SLC18A1: variants seen among roughly 807,000 people sequenced by gnomAD.
The protein encoded by SLC18A1 is solute carrier family 18 member A1.
A neutral mutation model predicts 53.7 loss-of-function variants in SLC18A1; 69 were observed. The observed-to-expected ratio is 1.28, with a 90% CI of 1.06 to 1.57. SLC18A1 has a LOEUF of 1.57. SLC18A1 is among the 40% of genes most tolerant of loss of function. The pLI is 0.00. For synonymous variants in SLC18A1, 320 were observed against 248.1 expected (o/e 1.29, Z -2.72); for missense variants, 932 against 668.1 (o/e 1.40, Z -4.35).
At chr8:20,156,929 T>C (rs1158502290) in intron 10 of SLC18A1, among the ~76,000 whole-genome samples, 6 of 152,168 alleles carry the variant, frequency 3.9e-5, no homozygotes, top group Non-Finnish European at 7.3e-5. Context: ...GCTCAAGAAC[T>C]CACCCCTGAT....
At chr8:20,147,969 T>A (rs779284162) in intron 13 of SLC18A1, 38 bp downstream of exon 13, 1 of 1,605,710 alleles carries the variant, frequency 6.2e-7, no homozygotes, top group Non-Finnish European at 8.5e-7. Flanking sequence ...AAAGCCAACA[T>A]GCAGGGGCTT....
At chr8:20,151,389 T>A (rs2071551364) in intron 10 of SLC18A1, among the ~76,000 whole-genome samples, 1 of 152,066 alleles carries the variant, frequency 6.6e-6, no homozygotes, top group African/African-American at 2.4e-5. Context: ...ATTATCAGCG[T>A]GAGAATGTGA....
intron 8 of SLC18A1, among the ~76,000 whole-genome samples, chr8:20,166,081 G>C (rs765002706): frequency 6.6e-6 from 1 of 151,728 alleles, no homozygotes; most frequent in Non-Finnish European, 1.5e-5. Flanking sequence ...ACATTTAAAA[G>C]TACAATAAAC....
Position 20,180,822 on chromosome 8 carries a change from C to A in SLC18A1, c.124+19G>T, listed in dbSNP as rs764489260. The stretch of plus-strand genomic sequence containing the variant: ...GCCCACAGCAAATTAACCCTCAGCA[C>A]AAAGACCCACAAACGTACCCACCAC... On this transcript the variant is annotated intron_variant, in intron 2 of 15. Coordinates refer to ENST00000276373, the MANE Select transcript of SLC18A1 (RefSeq NM_003053.4). 1.9e-5 allele frequency: 30 copies of A among 1,613,230 alleles called. No homozygotes were observed. The Admixed American group carries it at 4.8e-4, about 26-fold the overall frequency.
chr8:20,171,536 A>G, intron 6 of SLC18A1, 42 bp from the exon 7 acceptor site: 1 of 1,450,816 alleles, frequency 6.9e-7, no homozygotes, highest in Non-Finnish European at 9.7e-7. Context: ...GGTGAGGGTG[A>G]GTCCTTTGCA....
intron 10 of SLC18A1, among the ~76,000 whole-genome samples, chr8:20,153,645 C>A (rs756417601): frequency 6.7e-6 from 1 of 149,652 alleles, no homozygotes; most frequent in East Asian, 2.0e-4. Flanking sequence ...CCAGCCTGGG[C>A]GACAGAGCAA....
At position 20,147,998 on chromosome 8, in the gene SLC18A1, A is replaced by C. The variant is rs1157498780; in HGVS notation, c.1210+9T>G. The C allele has an allele frequency of 6.2e-7, 1 of 1,613,836 alleles. No homozygotes were observed. Among genetic ancestry groups the C allele is most frequent in the Non-Finnish European group, 8.5e-7 (1 of 1,179,832 alleles). ...GGGGCTTATTGTTTTCTTTGAGGGCACTTCTTACCTATGGCAAGGCCAAGC... is the reference window on the plus strand; with the variant it reads ...GGGGCTTATTGTTTTCTTTGAGGGCCCTTCTTACCTATGGCAAGGCCAAGC... On this transcript the variant is annotated intron_variant, in intron 13 of 15. Coordinates refer to ENST00000276373, the MANE Select transcript of SLC18A1 (RefSeq NM_003053.4).
chr8:20,169,692 A>C (rs2072061512), intron 8 of SLC18A1, among the ~76,000 whole-genome samples: 4 of 152,148 alleles, frequency 2.6e-5, no homozygotes, highest in Non-Finnish European at 4.4e-5. Context: ...CAGCCTGGCC[A>C]ACATGGTGAA....
chr8:20,173,110 C>A lies in SLC18A1; in HGVS notation c.650G>T (p.Ser217Ile), dbSNP rs550955110. ...SSVAGLGMLA[S>I]VYTDDHERGR... ...TCTCTCATGGTCATCAGTGTAGACA[C>A]TGGCCAGCATTCCAAGACCTGCGCA... The change falls in exon 6 of 16, where the codon AGT becomes ATT. Residue 217 changes from serine (S) to isoleucine (I), a missense_variant. Transcript: ENST00000276373. The A allele has an allele frequency of 3.2e-6, 5 of 1,575,896 alleles. No individual in the cohort carries two copies. In the South Asian group the frequency reaches 5.8e-5, roughly 18 times the overall value.
chr8:20,174,462 C>T lies in SLC18A1; in HGVS notation c.548-18G>A. 6.3e-7 allele frequency: 1 copy of T among 1,589,296 alleles called. No homozygotes were observed. Among genetic ancestry groups the T allele is most frequent in the Non-Finnish European group, 8.6e-7 (1 of 1,157,782 alleles). Reference sequence around the variant, plus strand: ...AGCAAACACTGGGCAGAGAGAATAGCAAGATAACTGCAGTTAGCAAATTGC... The same window carrying T: ...AGCAAACACTGGGCAGAGAGAATAGTAAGATAACTGCAGTTAGCAAATTGC... On this transcript the variant is annotated intron_variant, in intron 4 of 15. Coordinates refer to ENST00000276373, the MANE Select transcript of SLC18A1 (RefSeq NM_003053.4).
chr8:20,148,359 C>A, intron 12 of SLC18A1: 14 of 893,468 alleles, frequency 1.6e-5, no homozygotes, highest in Non-Finnish European at 2.0e-5. Context: ...TATGCTCTAA[C>A]GAGGGTCTTC....
chr8:20,171,062 T>C, intron 8 of SLC18A1, 41 bp downstream of exon 8: 1 of 1,603,592 alleles, frequency 6.2e-7, no homozygotes, highest in Non-Finnish European at 8.5e-7. Flanking sequence ...CATTCAGCCA[T>C]CCTGTATAAC....
In SLC18A1 at chr8:20,150,726, G is replaced by GC. The variant is rs753084928; in HGVS notation, c.1033dup (p.Ala345GlyfsTer90). 1.2e-6 allele frequency: 2 copies of GC among 1,613,998 alleles called. No homozygotes were observed. Among genetic ancestry groups the GC allele is most frequent in the African/African-American group, 2.7e-5 (2 of 74,924 alleles). On this transcript the variant is annotated frameshift_variant, in exon 11 of 16. Coordinates refer to ENST00000276373, the MANE Select transcript of SLC18A1 (RefSeq NM_003053.4). LOFTEE classifies it high-confidence loss of function. ...GGTGCCAATGAGGTAGGACACACTG[G>GC]CAGGCAAGAAAGCTAGACCTGTGGA... is the stretch of plus-strand genomic sequence containing the variant.
chr8:20,156,220 T>C (rs558905601), intron 10 of SLC18A1, among the ~76,000 whole-genome samples: 1 of 151,298 alleles, frequency 6.6e-6, no homozygotes. Flanking sequence ...GAAACCTCAT[T>C]GTGAGCACAC....
Position 20,148,041 on chromosome 8 carries a change from G to C in SLC18A1, c.1176C>G (p.Leu392=). ...CVPLAHNIFG[L]IGPNAGLGLA... ...GGCCAAGCCCTGCATTGGGGCCAAT[G>C]AGACCAAAAATATTGTGAGCCAGAG... Residue 392 remains leucine (L), a synonymous_variant, in exon 13 of 16, where the codon CTC becomes CTG. Coordinates refer to ENST00000276373, the MANE Select transcript of SLC18A1 (RefSeq NM_003053.4). 6.2e-7 allele frequency: 1 copy of C among 1,614,138 alleles called. No homozygotes were observed. Among genetic ancestry groups the C allele is most frequent in the Non-Finnish European group, 8.5e-7 (1 of 1,180,016 alleles).
chr8:20,173,727 G>C (rs910126315), intron 5 of SLC18A1, among the ~76,000 whole-genome samples: 2 of 152,114 alleles, frequency 1.3e-5, no homozygotes, highest in Non-Finnish European at 2.9e-5. Flanking sequence ...GTACTAAGAG[G>C]GGGACAGAAA....
At chr8:20,178,150 A>ACACACC (rs762729684) in intron 4 of SLC18A1, among the ~76,000 whole-genome samples, 1,901 of 148,240 alleles carry the variant, frequency 0.013, 18 homozygotes, top group Non-Finnish European at 0.018. Flanking sequence ...ACACACACAC[A>ACACACC]CCCCGTAGCA....
chr8:20,145,920 A>AT (rs35711001), intron 15 of SLC18A1, 44 bp from the exon 16 acceptor site: 124,727 of 919,076 alleles, frequency 0.14, 1,530 homozygotes, highest in Admixed American at 0.17. Context: ...CATTATTATC[A>AT]TTTTTTTTTT....
At chr8:20,162,159 A>G (rs539967811) in intron 10 of SLC18A1, among the ~76,000 whole-genome samples, 9 of 152,316 alleles carry the variant, frequency 5.9e-5, no homozygotes, top group African/African-American at 2.2e-4. Context: ...CAGAGTCCCA[A>G]GGTGGTCCTG....
Sources: gnomAD v4.1 joint callset for allele counts (sites outside exome capture counted in the v4.1 genomes callset) on GRCh38, gnomAD v4.1.1 for gene constraint, MANE v1.5 for transcripts, NCBI Gene and HGNC (gene_info 2026-07-23, HGNC 2026-07-21) for gene names.